SOX5: variants seen among roughly 807,000 people sequenced by gnomAD.
SOX5 encodes the protein transcription factor SOX-5.
Under a neutral mutation model 92.0 loss-of-function variants are expected in SOX5, and 9 were observed. That is an observed-to-expected ratio of 0.10 (90% CI 0.06 to 0.17). The LOEUF (loss-of-function observed/expected upper bound fraction) is 0.17. SOX5 is among the 10% of genes least tolerant of loss of function. The pLI is 1.00. For missense variants in SOX5, 642 were observed against 944.5 expected (o/e 0.68, Z 4.20); for synonymous variants, 344 against 336.3 (o/e 1.02, Z -0.25).
chr12:23,893,346 T>C (rs532536940), intron 2 of SOX5, among the ~76,000 whole-genome samples: 1 of 151,982 alleles, frequency 6.6e-6, no homozygotes, highest in African/African-American at 2.4e-5. Context: ...CTTGGGAGGC[T>C]GAGGCAGGAG....
chr12:24,141,429 T>C (rs182036791), intron 4 of SOX5, among the ~76,000 whole-genome samples: 28 of 152,284 alleles, frequency 1.8e-4, no homozygotes, highest in Admixed American at 7.2e-4. Context: ...AATATGTACA[T>C]AGATTGATGA....
At chr12:23,696,835 C>T (rs2089948113) in intron 6 of SOX5, among the ~76,000 whole-genome samples, 1 of 152,076 alleles carries the variant, frequency 6.6e-6, no homozygotes, top group Admixed American at 6.6e-5. Flanking sequence ...TTCCTTATGG[C>T]TTCTTCTTTG....
intron 6 of SOX5, among the ~76,000 whole-genome samples, chr12:23,721,274 G>A (rs2092801013): frequency 6.6e-6 from 1 of 151,902 alleles, no homozygotes; most frequent in Admixed American, 6.6e-5. Context: ...TAGTAGAGAT[G>A]GGGTTTCTCC....
At chr12:23,913,027 C>T (rs376503469) in intron 1 of SOX5, among the ~76,000 whole-genome samples, 2 of 152,082 alleles carry the variant, frequency 1.3e-5, no homozygotes, top group South Asian at 4.1e-4. Flanking sequence ...TGTTTTAAAA[C>T]TACAAAGCAC....
intron 2 of SOX5, among the ~76,000 whole-genome samples, chr12:23,846,927 C>T (rs774073238): frequency 6.6e-6 from 1 of 151,994 alleles, no homozygotes; most frequent in Non-Finnish European, 1.5e-5. Context: ...GCAGTTTTTG[C>T]TTCTTCATAG....
intron 4 of SOX5, among the ~76,000 whole-genome samples, chr12:24,145,208 T>C (rs1212812445): frequency 6.6e-6 from 1 of 152,196 alleles, no homozygotes; most frequent in Non-Finnish European, 1.5e-5. Flanking sequence ...AGTTCTAGCT[T>C]ATACCTCAAA....
At chr12:23,931,402 A>G (rs1229967819) in intron 1 of SOX5, among the ~76,000 whole-genome samples, 3 of 151,776 alleles carry the variant, frequency 2.0e-5, no homozygotes, top group African/African-American at 7.2e-5. Flanking sequence ...TGTATAGCCA[A>G]GATCTGAATA....
chr12:24,544,958 T>C (rs1023617063), intron 1 of SOX5, among the ~76,000 whole-genome samples: 5 of 152,230 alleles, frequency 3.3e-5, no homozygotes, highest in African/African-American at 1.2e-4. Flanking sequence ...TTATTTACTC[T>C]TTATCTTATC....
chr12:24,050,981 CTTTT>C (rs923707740), intron 4 of SOX5, among the ~76,000 whole-genome samples: 1 of 152,080 alleles, frequency 6.6e-6, no homozygotes. Context: ...GATCCTCTCT[CTTTT>C]TTTGTCATAA....
intron 6 of SOX5, among the ~76,000 whole-genome samples, chr12:23,697,349 G>A (rs562405742): frequency 1.3e-5 from 2 of 152,218 alleles, no homozygotes; most frequent in South Asian, 4.1e-4. Flanking sequence ...TCCTAGCTCT[G>A]AAATCTATTT....
intron 1 of SOX5, among the ~76,000 whole-genome samples, chr12:24,508,542 C>G (rs1171414171): frequency 6.6e-6 from 1 of 152,110 alleles, no homozygotes. Flanking sequence ...CGTGAGACAT[C>G]CAAGTGGGAT....
At chr12:24,332,430 A>G (rs1166652406) in intron 2 of SOX5, among the ~76,000 whole-genome samples, 1 of 152,202 alleles carries the variant, frequency 6.6e-6, no homozygotes, top group Non-Finnish European at 1.5e-5. Context: ...GAAGGTTTAA[A>G]TGGCCTGTAA....
At chr12:24,376,125 CTG>C (rs1465127426) in intron 1 of SOX5, among the ~76,000 whole-genome samples, 4 of 152,230 alleles carry the variant, frequency 2.6e-5, no homozygotes, top group African/African-American at 9.7e-5. Context: ...AAATCTAAAA[CTG>C]TCATAAATCT....
chr12:24,462,334 A>C (rs894458893), intron 1 of SOX5, among the ~76,000 whole-genome samples: 3 of 152,198 alleles, frequency 2.0e-5, no homozygotes, highest in Non-Finnish European at 2.9e-5. Context: ...TGGGACCACC[A>C]TCCTATATAT....
intron 4 of SOX5, among the ~76,000 whole-genome samples, chr12:24,175,607 T>C (rs1373062243): frequency 6.6e-6 from 1 of 152,218 alleles, no homozygotes; most frequent in Non-Finnish European, 1.5e-5. Flanking sequence ...ATCTATGTCA[T>C]ATATATTTTA....
chr12:24,049,906 C>T (rs765563085), intron 4 of SOX5, among the ~76,000 whole-genome samples: 6 of 151,710 alleles, frequency 4.0e-5, no homozygotes, highest in Non-Finnish European at 7.4e-5. Context: ...AAATCACCAT[C>T]TGGCAGGGAT....
intron 11 of SOX5, among the ~76,000 whole-genome samples, chr12:23,554,174 G>A (rs1329702818): frequency 1.3e-5 from 2 of 152,068 alleles, no homozygotes; most frequent in African/African-American, 2.4e-5. Context: ...GCTGCTAGGA[G>A]AAACAAAGTA....
chr12:24,382,515 T>C (rs377477673), intron 1 of SOX5, among the ~76,000 whole-genome samples: 5 of 152,168 alleles, frequency 3.3e-5, no homozygotes, highest in South Asian at 2.1e-4. Context: ...TCAAGGGTCA[T>C]AGTAAGGACT....
chr12:24,283,025 T>A (rs151026690), intron 2 of SOX5, among the ~76,000 whole-genome samples: 4 of 152,350 alleles, frequency 2.6e-5, no homozygotes, highest in Admixed American at 1.3e-4. Flanking sequence ...TATATAAATA[T>A]TAACTTGTAT....
Sources: allele counts gnomAD v4.1 joint callset (sites outside exome capture counted in the v4.1 genomes callset), GRCh38; gene constraint gnomAD v4.1.1; transcripts MANE v1.5; gene names NCBI Gene and HGNC (gene_info 2026-07-23, HGNC 2026-07-21).